The following AACS variants were observed in gnomAD, a reference collection of about 807,000 sequenced individuals.
The protein encoded by AACS is acetoacetyl-CoA synthetase.
In AACS, 69 loss-of-function variants were observed where a neutral mutation model predicts 83.1. The observed-to-expected ratio is 0.83, with a 90% confidence interval of 0.68 to 1.01. AACS has a LOEUF of 1.01. Ranked by LOEUF, AACS falls within the 50% of genes least tolerant of loss-of-function variation. The pLI, the probability that AACS is intolerant of heterozygous loss-of-function variation, is 0.00. For missense variants in AACS, 866 were observed against 882.2 expected, an observed-to-expected ratio of 0.98 and a Z score of 0.23; for synonymous variants, 333 against 343.4, an observed-to-expected ratio of 0.97 and a Z score of 0.33.
At chr12:125,074,739 C>G (rs1401450548) in intron 2 of AACS, among the ~76,000 whole-genome samples, 1 of 135,082 alleles carries the variant, frequency 7.4e-6, no homozygotes, top group African/African-American at 2.8e-5. Flanking sequence ...TCTTAGTATA[C>G]TGCAACCTCC....
chr12:125,103,986 T>C (rs1479193125), intron 7 of AACS, among the ~76,000 whole-genome samples: 1 of 1,986 alleles, frequency 5.0e-4, no homozygotes, highest in Non-Finnish European at 2.3e-3. Flanking sequence ...AAACTCCGTC[T>C]CAAAAAAAAA....
At chr12:125,103,172 C>T in intron 7 of AACS, 91 bp downstream of exon 7, 3 of 1,108,928 alleles carry the variant, frequency 2.7e-6, no homozygotes, top group Non-Finnish European at 3.9e-6. Flanking sequence ...CTTGGGGTCA[C>T]TCAGAGAATT....
At chr12:125,076,395 A>G in intron 2 of AACS, 96 bp from the exon 3 acceptor site, 1 of 1,530,980 alleles carries the variant, frequency 6.5e-7, no homozygotes, top group Non-Finnish European at 8.9e-7. Context: ...TGGGAAGAAG[A>G]ACCACTTTTG....
rs1258506873 is a variant in AACS, at chr12:125,142,657, C to T, written c.*428C>T. On this transcript the variant is annotated 3_prime_UTR_variant, in exon 18 of 18. Transcript: ENST00000316519. ...CATCTCAGGCTCTCCTGTTTTCCCT[C>T]AGGGTCCAGTATGCCTTTGAGCTTT... 1 of 159,314 alleles carries T rather than the reference C, an allele frequency of 6.3e-6. No individual in the cohort carries two copies. Among genetic ancestry groups the T allele is most frequent in the African/African-American group, 2.4e-5 (1 of 41,686 alleles). The allele number at this position is 159,314 out of a possible 1,614,324, so 9.9% of individuals were successfully genotyped here. A position where few individuals can be genotyped will look rare whatever the true frequency, so the allele number is the denominator to read the frequency against.
rs1428850611 is a variant in AACS at position 125,103,027 on chromosome 12, T to C, written c.713T>C (p.Val238Ala). The change falls in exon 7 of 18, where the codon GTG becomes GCG. Residue 238 changes from valine to alanine, a missense_variant. Physicochemically the swap from Val to Ala is moderately conservative, Grantham distance 64 (BLOSUM62 0). Transcript: ENST00000316519. Reference sequence around the variant, plus strand: ...CTACCAGACTTGAAGAAAGTGGTGGTGATTCCTTATGTGTCCTCCAGAGAG... The same window carrying C: ...CTACCAGACTTGAAGAAAGTGGTGGCGATTCCTTATGTGTCCTCCAGAGAG... ...KGLPDLKKVV[V>A]IPYVSSRENI... 6.2e-7 allele frequency: 1 copy of C among 1,613,942 alleles called. No individual in the cohort carries two copies. Among genetic ancestry groups the C allele is most frequent in the Admixed American group, 1.7e-5 (1 of 60,002 alleles).
chr12:125,108,719 G>A (rs888580496), intron 8 of AACS, among the ~76,000 whole-genome samples: 30 of 152,032 alleles, frequency 2.0e-4, no homozygotes, highest in African/African-American at 7.2e-4. Flanking sequence ...CCAGACTGGA[G>A]TGCAGTGGTG....
chr12:125,095,749 A>G (rs376294547), intron 5 of AACS, among the ~76,000 whole-genome samples: 97 of 152,294 alleles, frequency 6.4e-4, no homozygotes, highest in African/African-American at 2.2e-3. Context: ...AGTCTGCTGC[A>G]GTATCTTAGC....
Position 125,102,742 on chromosome 12 carries a change from T to C in AACS, c.634T>C (p.Tyr212His). 6.2e-7 allele frequency: 1 copy of C among 1,614,190 alleles called. No individual in the cohort carries two copies. Reference sequence around the variant, plus strand: ...CATCTTCTCTGTGGAGGCTGTTGTCTATAATGGCAAAGAGCACAACCACAT... The same window carrying C: ...CATCTTCTCTGTGGAGGCTGTTGTCCATAATGGCAAAGAGCACAACCACAT... ...KLIFSVEAVVYNGKEHNHMEK... is the reference protein window; with the variant it reads ...KLIFSVEAVVHNGKEHNHMEK... Residue 212 changes from tyrosine to histidine, a missense_variant, in exon 6 of 18, where the codon TAT (tyrosine) becomes CAT (histidine). Transcript: ENST00000316519.
chr12:125,126,325 G>T (rs1328226409), intron 12 of AACS: 1 of 152,050 alleles, frequency 6.6e-6, no homozygotes, highest in Non-Finnish European at 1.5e-5. Flanking sequence ...AATGGTTCAC[G>T]CACGTGGTAA....
chr12:125,124,773 AGT>A lies in AACS; in HGVS notation c.1186+8_1186+9del. 6.2e-7 allele frequency: 1 copy of A among 1,614,194 alleles called. No individual in the cohort carries two copies. Among genetic ancestry groups the A allele is most frequent in the Non-Finnish European group, 8.5e-7 (1 of 1,180,038 alleles). On this transcript the variant is annotated splice_donor_5th_base_variant and intron_variant, in intron 11 of 17. Transcript: ENST00000316519. Reference sequence around the variant, plus strand: ...GAAGAGAAGGCCATGAAGCCGGGTGAGTGTGCCTCTTCAGTACTCATTCCCTG... The same window carrying A: ...GAAGAGAAGGCCATGAAGCCGGGTGAGTGCCTCTTCAGTACTCATTCCCTG...
At chr12:125,109,913 T>C (rs992442546) in intron 8 of AACS, among the ~76,000 whole-genome samples, 4 of 152,108 alleles carry the variant, frequency 2.6e-5, no homozygotes, top group Non-Finnish European at 5.9e-5. Flanking sequence ...AATGATGTGG[T>C]GTTCTTCTCC....
rs370458772 is a variant in AACS at position 125,090,230 on chromosome 12, T to TCCATCCATCCATCCATCCATTCATC, written c.473-1196_473-1195insCCATCCATCCATCCATCCATTCATC. Among the ~76,000 whole-genome samples, 9 of 113,450 alleles carry TCCATCCATCCATCCATCCATTCATC rather than the reference T, an allele frequency of 7.9e-5. 4 individuals carry two copies. The highest frequency in any genetic ancestry group is 1.4e-4 in the African/African-American group (4 of 28,100). The allele number at this position is 113,450 out of a possible 152,430, so 74.4% of individuals were successfully genotyped here. A position where few individuals can be genotyped will look rare whatever the true frequency, so the allele number is the denominator to read the frequency against. On this transcript the variant is annotated intron_variant, in intron 4 of 17. Coordinates refer to ENST00000316519, the MANE Select transcript of AACS (RefSeq NM_023928.5). ...CATTATCCATCTATCCATCCATTTA[T>TCCATCCATCCATCCATCCATTCATC]TATGCTTCCACCCATCATCTACCCA...
rs796816725 is a variant in AACS at position 125,083,996 on chromosome 12, T to G, written c.359-2334T>G. On this transcript the variant is annotated intron_variant, in intron 3 of 17. Transcript: ENST00000316519. ...TGCATGCAATAACTTAAGTGAATTTTAGTGGCATTGCACCAAATGAAAAAT... is the reference window on the plus strand; with the variant it reads ...TGCATGCAATAACTTAAGTGAATTTGAGTGGCATTGCACCAAATGAAAAAT... 4.5e-4 allele frequency among the ~76,000 whole-genome samples: 69 copies of G among 152,262 alleles called. 1 individual carries two copies. Among genetic ancestry groups the G allele is most frequent in the African/African-American group, 1.6e-3 (67 of 41,566 alleles).
chr12:125,072,422 G>A (rs1338047670), intron 1 of AACS, among the ~76,000 whole-genome samples: 2 of 152,158 alleles, frequency 1.3e-5, no homozygotes, highest in African/African-American at 4.8e-5. Context: ...AGTGAGGATG[G>A]GCAAGCTTGA....
Position 125,140,669 on chromosome 12 carries a change from G to T in AACS, c.1882-1423G>T, listed in dbSNP as rs1294844495. 1 of 151,652 alleles carries T rather than the reference G, an allele frequency of 6.6e-6. No homozygotes were observed. The highest frequency in any genetic ancestry group is 2.4e-5 in the African/African-American group (1 of 41,230). The allele number at this position is 151,652 out of a possible 1,614,324, so 9.4% of individuals were successfully genotyped here. On this transcript the variant is annotated intron_variant, in intron 17 of 17. Coordinates refer to ENST00000316519, the MANE Select transcript of AACS (RefSeq NM_023928.5). The surrounding 1 kb of genome is among the most constrained non-coding windows in gnomAD (Gnocchi z 5.1). ...GTCACTGGGCTCTGTTGCTCCTGAA[G>T]TTTCCTAGCCCACAACACACCAACA... is the stretch of plus-strand genomic sequence containing the variant.
intron 14 of AACS, 98 bp from the exon 15 acceptor site, chr12:125,133,905 C>G: frequency 8.1e-7 from 1 of 1,228,186 alleles, no homozygotes; most frequent in Non-Finnish European, 1.2e-6. Flanking sequence ...GCCTCTGGGC[C>G]CCAGTGATGT....
intron 10 of AACS, among the ~76,000 whole-genome samples, chr12:125,119,546 G>A (rs1397249916): frequency 6.6e-6 from 1 of 152,242 alleles, no homozygotes; most frequent in Non-Finnish European, 1.5e-5. Context: ...GCAAAGGCAT[G>A]TCTTACATGG....
chr12:125,125,369 G>C (rs1957231742), intron 12 of AACS, among the ~76,000 whole-genome samples: 1 of 151,958 alleles, frequency 6.6e-6, no homozygotes, highest in East Asian at 1.9e-4. Context: ...CTTGCCCAAG[G>C]CTGCCCCACC....
At chr12:125,136,923 TGA>T (rs1957410061) in intron 17 of AACS, 59 bp downstream of exon 17, 1 of 1,555,198 alleles carries the variant, frequency 6.4e-7, no homozygotes, top group Non-Finnish European at 8.8e-7. Context: ...GCCCACACAT[TGA>T]GGGGCGCTTA....
Sources: gnomAD v4.1 joint callset for allele counts (sites outside exome capture counted in the v4.1 genomes callset) on GRCh38, gnomAD v4.1.1 for gene constraint, Gnocchi (gnomAD v3.1) non-coding constraint, MANE v1.5 for transcripts, NCBI Gene and HGNC (gene_info 2026-07-23, HGNC 2026-07-21) for gene names.